RIMS3: variants seen among roughly 807,000 people sequenced by gnomAD.
The protein encoded by RIMS3 is regulating synaptic membrane exocytosis protein 3.
RIMS3 carries 15 observed loss-of-function variants against 29.2 expected under a neutral mutation model. That is an observed-to-expected ratio of 0.51 (90% CI 0.34 to 0.79). The LOEUF (loss-of-function observed/expected upper bound fraction) is 0.79, where lower values mean the gene tolerates loss of function less well. Among genes scored for constraint, RIMS3 ranks in the 30% least tolerant of loss-of-function variants. RIMS3 has a pLI of 0.01. For missense variants in RIMS3, 342 were observed against 421.4 expected (o/e 0.81, Z 1.65); for synonymous variants, 161 against 170.1 (o/e 0.95, Z 0.41).
chr1:40,667,111 A>G (rs897966039), upstream of RIMS3, among the ~76,000 whole-genome samples: 3 of 152,214 alleles, frequency 2.0e-5, no homozygotes, highest in African/African-American at 7.2e-5. Context: ...GCTAGGAGGC[A>G]TAGTCATCCT....
upstream of RIMS3, among the ~76,000 whole-genome samples, chr1:40,667,546 A>T (rs75937713): frequency 6.6e-6 from 1 of 152,234 alleles, no homozygotes; most frequent in Non-Finnish European, 1.5e-5. Context: ...TATTTTGCAT[A>T]TAATTTCAGT....
chr1:40,692,062 C>T, the RIMS3 span: 8 of 203,132 alleles, frequency 3.9e-5, no homozygotes, highest in African/African-American at 1.9e-4. Context: ...TCGTGGGGTC[C>T]GTGTGCCTCG....
In RIMS3 at chr1:40,636,352, C is replaced by T. The variant is rs1646520163; in HGVS notation, c.218-295G>A. Among the ~76,000 whole-genome samples the T allele has an allele frequency of 6.6e-6, 1 of 152,146 alleles. No individual in the cohort carries two copies. The highest frequency in any genetic ancestry group is 1.5e-5 in the Non-Finnish European group (1 of 67,996). The stretch of plus-strand genomic sequence containing the variant: ...CGCAGATCCGCAGCTGGGGCCCTCG[C>T]CTCACCCTCATCAGGCTCCCCTGAC... On this transcript the variant is annotated intron_variant, in intron 3 of 7. Coordinates refer to ENST00000372684, the MANE Select transcript of RIMS3 (RefSeq NM_014747.3). The surrounding 1 kb of genome is among the most constrained non-coding windows in gnomAD (Gnocchi z 4.2).
intron 6 of RIMS3, 98 bp from the exon 7 acceptor site, chr1:40,629,047 A>G: frequency 6.7e-7 from 1 of 1,485,726 alleles, no homozygotes; most frequent in Non-Finnish European, 9.4e-7. Flanking sequence ...GGTGAGCAGG[A>G]TGTGTGGAAT....
chr1:40,691,511 G>A, the RIMS3 span: 4 of 303,314 alleles, frequency 1.3e-5, no homozygotes, highest in South Asian at 7.1e-5. Context: ...TCCCCCGAAA[G>A]GGGGCGGGGT....
At chr1:40,650,085 G>A (rs968356072) in intron 1 of RIMS3, among the ~76,000 whole-genome samples, 1 of 152,170 alleles carries the variant, frequency 6.6e-6, no homozygotes, top group Non-Finnish European at 1.5e-5. Flanking sequence ...CAGTGCAGGG[G>A]ATGGGGTGGT....
the RIMS3 span, among the ~76,000 whole-genome samples, chr1:40,683,545 C>T: frequency 6.6e-6 from 1 of 152,246 alleles, no homozygotes; most frequent in Non-Finnish European, 1.5e-5. Context: ...TGCTCTTGGG[C>T]TTTCCAGCCT....
At chr1:40,649,099 C>A (rs1646613807) in intron 1 of RIMS3, among the ~76,000 whole-genome samples, 1 of 152,200 alleles carries the variant, frequency 6.6e-6, no homozygotes, top group Non-Finnish European at 1.5e-5. Flanking sequence ...GCACACCCAG[C>A]CAGCGTGGGC....
In RIMS3 at chr1:40,625,719, C is replaced by G. The variant is rs1646449049; in HGVS notation, c.*798G>C. On this transcript the variant is annotated 3_prime_UTR_variant, in exon 8 of 8. Coordinates refer to ENST00000372684, the MANE Select transcript of RIMS3 (RefSeq NM_014747.3). ...GGTGGAGTGGGGAGGCTTGAAGAGA[C>G]AGGAGATGAAGAACAAATGCTAAGG... The G allele has an allele frequency of 6.6e-6, 1 of 152,634 alleles. No homozygotes were observed. The highest frequency in any genetic ancestry group is 2.4e-5 in the African/African-American group (1 of 41,436). 9.5% of individuals were successfully genotyped at this position (152,634 alleles called of 1,614,324 possible).
chr1:40,642,573 T>C (rs1408416386), intron 2 of RIMS3, among the ~76,000 whole-genome samples: 3 of 152,206 alleles, frequency 2.0e-5, no homozygotes, highest in African/African-American at 7.2e-5. Context: ...TTTTAGCCTA[T>C]TCCCTTCCAG....
At chr1:40,690,574 T>C in the RIMS3 span, 13 of 152,340 alleles carry the variant, frequency 8.5e-5, no homozygotes, top group African/African-American at 3.1e-4. Flanking sequence ...TGAAGTCAAG[T>C]GTCTTATAGT....
At chr1:40,643,678 C>G (rs1442787002) in intron 2 of RIMS3, among the ~76,000 whole-genome samples, 1 of 152,052 alleles carries the variant, frequency 6.6e-6, no homozygotes, top group Non-Finnish European at 1.5e-5. Flanking sequence ...GGGGTTTCAC[C>G]CTGTTGACCA....
intron 2 of RIMS3, among the ~76,000 whole-genome samples, chr1:40,643,277 GC>G (rs1235125410): frequency 6.6e-6 from 1 of 151,766 alleles, no homozygotes; most frequent in Non-Finnish European, 1.5e-5. Flanking sequence ...GATTACAGGC[GC>G]CCGCCACCAA....
rs2744805 is a variant in RIMS3 at position 40,654,827 on chromosome 1, T to C, written c.-206-6985A>G. ...TACCTAGCTACATTTGCCAGGGACA[T>C]ACACACACACTTAAACTCTCTCATA... On this transcript the variant is annotated intron_variant, in intron 1 of 7. Transcript: ENST00000372684. The surrounding 1 kb of genome is among the most constrained non-coding windows in gnomAD (Gnocchi z 5.3). Among the ~76,000 whole-genome samples, 120,528 of 151,958 alleles carry C rather than the reference T, an allele frequency of 0.79. 48,470 individuals are homozygous for C. The highest frequency in any genetic ancestry group is 0.9 in the African/African-American group (37,491 of 41,450).
At chr1:40,648,712 G>C (rs1646610798) in intron 1 of RIMS3, among the ~76,000 whole-genome samples, 1 of 152,178 alleles carries the variant, frequency 6.6e-6, no homozygotes, top group Non-Finnish European at 1.5e-5. Flanking sequence ...ACCATTGCAG[G>C]GGAAGGCCCA....
At chr1:40,647,945 G>A (rs1479135525) in intron 1 of RIMS3, 103 bp from the exon 2 acceptor site, 1 of 152,218 alleles carries the variant, frequency 6.6e-6, no homozygotes, top group East Asian at 1.9e-4. Context: ...TGAAGAAGCT[G>A]TGTGACCTTG....
chr1:40,662,344 G>A (rs544923238), intron 1 of RIMS3, among the ~76,000 whole-genome samples: 1 of 152,238 alleles, frequency 6.6e-6, no homozygotes, highest in South Asian at 2.1e-4. Flanking sequence ...ACTCAGCTAA[G>A]ATGTCGCCAC....
chr1:40,647,148 G>A (rs1251712575), intron 2 of RIMS3, among the ~76,000 whole-genome samples: 1 of 152,102 alleles, frequency 6.6e-6, no homozygotes, highest in Non-Finnish European at 1.5e-5. Flanking sequence ...CAAAGTGCTG[G>A]GATTACAAGT....
At chr1:40,641,131 G>A (rs1158377551) in intron 3 of RIMS3, among the ~76,000 whole-genome samples, 2 of 152,152 alleles carry the variant, frequency 1.3e-5, no homozygotes, top group African/African-American at 2.4e-5. Flanking sequence ...GATTACAGGC[G>A]AGACTGAATC....
Sources: gnomAD v4.1 joint callset for allele counts (sites outside exome capture counted in the v4.1 genomes callset) on GRCh38, gnomAD v4.1.1 for gene constraint, Gnocchi (gnomAD v3.1) non-coding constraint, MANE v1.5 for transcripts, NCBI Gene and HGNC (gene_info 2026-07-23, HGNC 2026-07-21) for gene names.